Variants in ATRNL1 observed in about 807,000 individuals in gnomAD.
ATRNL1 encodes attractin-like protein 1.
A neutral mutation model predicts 182.7 loss-of-function variants in ATRNL1; 95 were observed. The observed-to-expected ratio is 0.52, with a 90% CI of 0.44 to 0.62. The LOEUF is 0.62. Ranked by LOEUF, ATRNL1 falls within the 20% of genes least tolerant of loss-of-function variation. The pLI, the probability that ATRNL1 is intolerant of heterozygous loss-of-function variation, is 0.00. For synonymous variants in ATRNL1, 576 were observed against 568.3 expected (o/e 1.01, Z -0.19); for missense variants, 1,471 against 1,679.5 (o/e 0.88, Z 2.17).
At chr10:115,393,564 T>C (rs1325264720) in intron 19 of ATRNL1, among the ~76,000 whole-genome samples, 1 of 152,134 alleles carries the variant, frequency 6.6e-6, no homozygotes, top group African/African-American at 2.4e-5. Context: ...TAGTTCTCAT[T>C]AGGTGTTTTT....
At chr10:115,302,686 G>A (rs1853534068) in intron 17 of ATRNL1, among the ~76,000 whole-genome samples, 1 of 152,148 alleles carries the variant, frequency 6.6e-6, no homozygotes. Flanking sequence ...AGGACTATAG[G>A]ATAAGGCTGC....
At chr10:115,587,470 TG>T (rs1275934041) in intron 26 of ATRNL1, among the ~76,000 whole-genome samples, 4 of 151,808 alleles carry the variant, frequency 2.6e-5, no homozygotes, top group African/African-American at 9.7e-5. Context: ...GGTGTGCCGT[TG>T]TTTTAGCCCG....
chr10:115,766,424 A>C (rs993985088), intron 27 of ATRNL1, among the ~76,000 whole-genome samples: 2 of 152,358 alleles, frequency 1.3e-5, no homozygotes, highest in African/African-American at 2.4e-5. Context: ...TCCCTTGTTA[A>C]GAAGCACTGA....
intron 8 of ATRNL1, among the ~76,000 whole-genome samples, chr10:115,172,230 A>G (rs1554885807): frequency 6.6e-6 from 1 of 151,946 alleles, no homozygotes; most frequent in Non-Finnish European, 1.5e-5. Context: ...AGTGGGTTAC[A>G]TATCCCCTTT....
intron 1 of ATRNL1, among the ~76,000 whole-genome samples, chr10:115,109,887 A>G (rs900432959): frequency 6.6e-6 from 1 of 152,192 alleles, no homozygotes; most frequent in Non-Finnish European, 1.5e-5. Context: ...TATGTTTAGC[A>G]TATTTAGAGA....
intron 28 of ATRNL1, among the ~76,000 whole-genome samples, chr10:115,850,600 C>A (rs938261207): frequency 5.3e-5 from 8 of 152,158 alleles, no homozygotes; most frequent in African/African-American, 1.9e-4. Context: ...TGTGTCTTCA[C>A]AGAAAGTCCT....
At chr10:115,369,978 T>C (rs1190254810) in intron 19 of ATRNL1, among the ~76,000 whole-genome samples, 1 of 152,236 alleles carries the variant, frequency 6.6e-6, no homozygotes, top group Non-Finnish European at 1.5e-5. Context: ...GGGAGGGATC[T>C]GGTAGAAGAT....
intron 5 of ATRNL1, among the ~76,000 whole-genome samples, chr10:115,138,441 A>G (rs1376763039): frequency 6.6e-6 from 1 of 152,230 alleles, no homozygotes; most frequent in African/African-American, 2.4e-5. Flanking sequence ...CTGGGCATCC[A>G]GGCATTTTCA....
intron 2 of ATRNL1, among the ~76,000 whole-genome samples, chr10:115,120,746 G>T (rs1286379838): frequency 6.6e-6 from 1 of 152,034 alleles, no homozygotes; most frequent in Non-Finnish European, 1.5e-5. Flanking sequence ...GAGCATAAAA[G>T]AATTGATATG....
intron 26 of ATRNL1, among the ~76,000 whole-genome samples, chr10:115,582,447 T>C (rs1157207996): frequency 2.9e-4 from 39 of 136,192 alleles, no homozygotes; most frequent in Non-Finnish European, 6.4e-5. Flanking sequence ...CTAACTGGTG[T>C]GAGATGGTAT....
intron 27 of ATRNL1, among the ~76,000 whole-genome samples, chr10:115,837,513 CA>C (rs1555095860): frequency 3.1e-5 from 3 of 98,110 alleles, no homozygotes; most frequent in Non-Finnish European, 6.3e-5. Context: ...CACACACACA[CA>C]CACACACACA....
At chr10:115,285,816 A>G (rs540200222) in intron 14 of ATRNL1, among the ~76,000 whole-genome samples, 1 of 152,202 alleles carries the variant, frequency 6.6e-6, no homozygotes, top group South Asian at 2.1e-4. Flanking sequence ...TTATAGGAGT[A>G]ACTTTGAAAC....
chr10:115,722,825 A>G (rs1398434550), intron 26 of ATRNL1, among the ~76,000 whole-genome samples: 3 of 152,104 alleles, frequency 2.0e-5, no homozygotes, highest in Non-Finnish European at 4.4e-5. Flanking sequence ...TCTGATATTG[A>G]TTTGCAAGAC....
intron 24 of ATRNL1, among the ~76,000 whole-genome samples, chr10:115,504,497 A>G (rs1850008746): frequency 6.6e-6 from 1 of 152,060 alleles, no homozygotes; most frequent in Admixed American, 6.6e-5. Context: ...ACTCATGTTA[A>G]TGTCTTATTT....
chr10:115,709,379 A>T (rs1441846165), intron 26 of ATRNL1, among the ~76,000 whole-genome samples: 2 of 151,948 alleles, frequency 1.3e-5, no homozygotes, highest in African/African-American at 4.8e-5. Context: ...AGTGAACAAA[A>T]TATATATTGG....
At chr10:115,576,592 T>C (rs1448594689) in intron 26 of ATRNL1, among the ~76,000 whole-genome samples, 2 of 152,046 alleles carry the variant, frequency 1.3e-5, no homozygotes, top group African/African-American at 4.8e-5. Context: ...ATTTGCTATT[T>C]TACTATTGAG....
At chr10:115,426,161 T>C (rs1845876446) in intron 20 of ATRNL1, 89 bp from the exon 21 acceptor site, 1 of 944,300 alleles carries the variant, frequency 1.1e-6, no homozygotes, top group African/African-American at 1.7e-5. Flanking sequence ...TGTTTTGATG[T>C]AGAATATAAA....
At chr10:115,127,528 A>G (rs1184228961) in intron 3 of ATRNL1, 65 bp from the exon 4 acceptor site, 15 of 1,388,436 alleles carry the variant, frequency 1.1e-5, no homozygotes, top group Non-Finnish European at 1.5e-5. Flanking sequence ...TTCTGAGTAA[A>G]TTTTATGTGC....
chr10:115,491,524 C>G (rs367929063), intron 24 of ATRNL1, among the ~76,000 whole-genome samples: 1 of 152,086 alleles, frequency 6.6e-6, no homozygotes, highest in Non-Finnish European at 1.5e-5. Flanking sequence ...GTTTGAACTT[C>G]CCAGTGGCTT....
Sources: allele counts gnomAD v4.1 joint callset (sites outside exome capture counted in the v4.1 genomes callset), GRCh38; gene constraint gnomAD v4.1.1; transcripts MANE v1.5; gene names NCBI Gene and HGNC (gene_info 2026-07-23, HGNC 2026-07-21).